The following CLSTN2 variants were observed in gnomAD, a reference collection of about 807,000 sequenced individuals.
The protein encoded by CLSTN2 is calsyntenin 2, also known as calsyntenin-2.
In CLSTN2, 48 loss-of-function variants were observed where a neutral mutation model predicts 101.2. The ratio of observed to expected loss-of-function variants is 0.47; its 90% confidence interval spans 0.38 to 0.60. The LOEUF (loss-of-function observed/expected upper bound fraction) is 0.60, where lower values mean the gene tolerates loss of function less well. Ranked by LOEUF, CLSTN2 falls within the 20% of genes least tolerant of loss-of-function variation. The pLI is 0.00. For missense variants in CLSTN2, 1,160 were observed against 1,238.2 expected, an observed-to-expected ratio of 0.94 and a Z score of 0.95; for synonymous variants, 481 against 463.6, an observed-to-expected ratio of 1.04 and a Z score of -0.48.
rs777839870 is a variant in CLSTN2, at chr3:140,399,806, C to T, written c.233-3823C>T. 2.6e-5 allele frequency among the ~76,000 whole-genome samples: 4 copies of T among 152,188 alleles called. No homozygotes were observed. The East Asian group carries it at 5.8e-4, about 22-fold the overall frequency. On this transcript the variant is annotated intron_variant, in intron 2 of 16. Coordinates refer to ENST00000458420, the MANE Select transcript of CLSTN2 (RefSeq NM_022131.3). ...CTAGAGTTTGGAGTATGATTGATCA[C>T]GTCACCAAGAAAGTGAGCATAGTAC...
At chr3:140,450,203 G>A (rs1576574245) in intron 6 of CLSTN2, among the ~76,000 whole-genome samples, 2 of 152,030 alleles carry the variant, frequency 1.3e-5, no homozygotes, top group Admixed American at 6.6e-5. Context: ...CCCAGAGAGT[G>A]AAAATGACCT....
chr3:140,187,835 G>T (rs915381172), intron 2 of CLSTN2, among the ~76,000 whole-genome samples: 36 of 152,162 alleles, frequency 2.4e-4, no homozygotes, highest in African/African-American at 8.4e-4. Context: ...TGAGCCAAAT[G>T]CAACCCAACG....
At chr3:140,212,577 G>C (rs1332278364) in intron 2 of CLSTN2, among the ~76,000 whole-genome samples, 1 of 152,054 alleles carries the variant, frequency 6.6e-6, no homozygotes, top group Admixed American at 6.6e-5. Flanking sequence ...TCCTTCAATG[G>C]CTCCCCTCTG....
chr3:139,995,965 T>C (rs541590685), intron 1 of CLSTN2, among the ~76,000 whole-genome samples: 21 of 152,368 alleles, frequency 1.4e-4, no homozygotes, highest in African/African-American at 4.8e-4. Flanking sequence ...TTAAAAAATG[T>C]AATAAACACT....
intron 1 of CLSTN2, among the ~76,000 whole-genome samples, chr3:139,956,633 A>G (rs555059622): frequency 2.2e-4 from 33 of 152,348 alleles, no homozygotes; most frequent in African/African-American, 7.7e-4. Flanking sequence ...AGCAATAACC[A>G]TGAAGAAAAC....
Position 139,987,834 on chromosome 3 carries a change from GAT to G in CLSTN2, c.109+52353_109+52354del, listed in dbSNP as rs569656220. On this transcript the variant is annotated intron_variant, in intron 1 of 16. Coordinates refer to ENST00000458420, the MANE Select transcript of CLSTN2 (RefSeq NM_022131.3). Reference sequence around the variant, plus strand: ...AACCCCTGGGGAATTCAGTCCCTGAGATACAGGAACTGGAATGATTTTAATTT... The same window carrying G: ...AACCCCTGGGGAATTCAGTCCCTGAGACAGGAACTGGAATGATTTTAATTT... 3.3e-5 allele frequency among the ~76,000 whole-genome samples: 5 copies of G among 152,312 alleles called. No homozygotes were observed. The South Asian group carries it at 1.0e-3, about 32-fold the overall frequency.
At chr3:139,986,142 G>A (rs142255180) in intron 1 of CLSTN2, among the ~76,000 whole-genome samples, 147 of 152,206 alleles carry the variant, frequency 9.7e-4, no homozygotes, top group Non-Finnish European at 1.5e-3. Flanking sequence ...TGATATTAGC[G>A]AGGAAACAGT....
At chr3:140,063,468 C>G (rs1353006412) in intron 1 of CLSTN2, among the ~76,000 whole-genome samples, 2 of 152,260 alleles carry the variant, frequency 1.3e-5, no homozygotes, top group South Asian at 2.1e-4. Flanking sequence ...TAACTGAGCA[C>G]CTGCCACATG....
chr3:140,453,519 G>A (rs1280560871), intron 6 of CLSTN2, among the ~76,000 whole-genome samples: 1 of 151,930 alleles, frequency 6.6e-6, no homozygotes, highest in Non-Finnish European at 1.5e-5. Flanking sequence ...GAGATTAAAA[G>A]ATCATGTAGT....
At position 140,563,918 on chromosome 3, in the gene CLSTN2, G is replaced by C. The variant is rs373392719; in HGVS notation, c.2483-43G>C. 10 of 1,594,140 alleles carry C rather than the reference G, an allele frequency of 6.3e-6. No homozygotes were observed. In the African/African-American group the frequency reaches 1.3e-4, roughly 21 times the overall value. On this transcript the variant is annotated intron_variant, in intron 15 of 16. Coordinates refer to ENST00000458420, the MANE Select transcript of CLSTN2 (RefSeq NM_022131.3). Reference sequence around the variant, plus strand: ...CATGCTCCCTCACAAGAATGAGCTAGGCCTTTGTTCACCATGTCATGCGAG... The same window carrying C: ...CATGCTCCCTCACAAGAATGAGCTACGCCTTTGTTCACCATGTCATGCGAG...
intron 2 of CLSTN2, among the ~76,000 whole-genome samples, chr3:140,393,909 T>C (rs747668342): frequency 5.9e-5 from 9 of 152,192 alleles, no homozygotes; most frequent in Non-Finnish European, 1.3e-4. Context: ...CATCATCCTT[T>C]TCCAAGTGTT....
chr3:140,142,466 T>G (rs2009716531), intron 1 of CLSTN2, among the ~76,000 whole-genome samples: 1 of 152,134 alleles, frequency 6.6e-6, no homozygotes, highest in Admixed American at 6.5e-5. Flanking sequence ...CCATGGCAAA[T>G]GCTGAGAAGT....
rs10804675 is a variant in CLSTN2 at position 140,564,019 on chromosome 3, C to T, written c.2541C>T (p.Val847=). Residue 847 remains valine, a synonymous_variant, in exon 16 of 17, where the codon GTC becomes GTT. Transcript: ENST00000458420. The stretch of plus-strand genomic sequence containing the variant: ...TCTCCGTGTGCATGCTTGTGTTTGT[C>T]GTGGCCATGGGTGTGTACCGGGTCC... The part of the protein sequence containing the change: ...IIISVCMLVF[V]VAMGVYRVRI... The T allele has an allele frequency of 0.65, 1,049,009 of 1,613,788 alleles. 358,017 individuals carry two copies. Among genetic ancestry groups the T allele is most frequent in the Middle Eastern group, 0.74 (4,502 of 6,062 alleles).
At chr3:139,937,708 C>T (rs1935052580) in intron 1 of CLSTN2, among the ~76,000 whole-genome samples, 1 of 152,058 alleles carries the variant, frequency 6.6e-6, no homozygotes, top group Admixed American at 6.6e-5. Context: ...CGCGCTATTA[C>T]ACTCCAGCCT....
intron 1 of CLSTN2, among the ~76,000 whole-genome samples, chr3:140,090,168 C>T (rs959972335): frequency 9.9e-5 from 14 of 141,782 alleles, no homozygotes; most frequent in Admixed American, 2.9e-4. Context: ...TCGGGGCTGG[C>T]ATCTTCCCGG....
At chr3:140,016,970 C>T (rs1188403562) in intron 1 of CLSTN2, among the ~76,000 whole-genome samples, 1 of 152,136 alleles carries the variant, frequency 6.6e-6, no homozygotes, top group East Asian at 1.9e-4. Context: ...TTTTTAACTG[C>T]ACAAGCGATG....
intron 1 of CLSTN2, among the ~76,000 whole-genome samples, chr3:140,149,997 A>T (rs1371193802): frequency 6.6e-6 from 1 of 152,144 alleles, no homozygotes; most frequent in Non-Finnish European, 1.5e-5. Context: ...AGGATTGCTC[A>T]TGATTTTTCG....
chr3:140,156,758 C>T (rs1038478573), intron 1 of CLSTN2, among the ~76,000 whole-genome samples: 2 of 152,202 alleles, frequency 1.3e-5, no homozygotes, highest in Non-Finnish European at 2.9e-5. Context: ...AAGTCTAGGA[C>T]ACTTTTCTCA....
rs572454211 is a variant in CLSTN2, at chr3:139,969,106, G to A, written c.109+33623G>A. On this transcript the variant is annotated intron_variant, in intron 1 of 16. Coordinates refer to ENST00000458420, the MANE Select transcript of CLSTN2 (RefSeq NM_022131.3). ...TGCATTATCTCATTTGAGACTCAGA[G>A]CCAGCCTGCGAGATGGATAGGAAGG... Among the ~76,000 whole-genome samples, 8 of 152,186 alleles carry A rather than the reference G, an allele frequency of 5.3e-5. No individual in the cohort carries two copies. The East Asian group carries it at 1.4e-3, about 26-fold the overall frequency.
Sources: gnomAD v4.1 joint callset for allele counts (sites outside exome capture counted in the v4.1 genomes callset) on GRCh38, gnomAD v4.1.1 for gene constraint, MANE v1.5 for transcripts, NCBI Gene and HGNC (gene_info 2026-07-23, HGNC 2026-07-21) for gene names.